The following ADAM12 variants were observed in gnomAD, a reference collection of about 807,000 sequenced individuals.
ADAM12 encodes ADAM metallopeptidase domain 12.
ADAM12 carries 70 observed loss-of-function variants against 106.4 expected under a neutral mutation model. The ratio of observed to expected loss-of-function variants is 0.66; its 90% CI spans 0.54 to 0.80. The LOEUF (loss-of-function observed/expected upper bound fraction) is 0.80, where lower values mean the gene tolerates loss of function less well. Ranked by LOEUF, ADAM12 falls within the 30% of genes least tolerant of loss-of-function variation. ADAM12 has a pLI of 0.00. For synonymous variants in ADAM12, 420 were observed against 433.5 expected (o/e 0.97, Z 0.39); for missense variants, 1,010 against 1,171.9 (o/e 0.86, Z 2.02).
At position 126,155,274 on chromosome 10, in the gene ADAM12, G is replaced by A; in HGVS notation, c.292C>T (p.His98Tyr). ...ACATCAGTACCGTCTTGCAGATAGTGGGTTTCCGTGAAACTGCTGGCAATG... is the reference window on the plus strand; with the variant it reads ...ACATCAGTACCGTCTTGCAGATAGTAGGTTTCCGTGAAACTGCTGGCAATG... ...GLIASSFTET[H>Y]YLQDGTDVSL... The change falls in exon 4 of 23, where the codon CAC becomes TAC. Residue 98 changes from histidine (H) to tyrosine (Y), a missense_variant. This residue lies in a region of ADAM12 where 391 missense variants were observed against 442.9 expected (regional missense o/e 0.88). Coordinates refer to ENST00000448723, the MANE Select transcript of ADAM12 (RefSeq NM_001288973.2). 6.2e-7 allele frequency: 1 copy of A among 1,614,102 alleles called. No individual in the cohort carries two copies. The highest frequency in any genetic ancestry group is 8.5e-7 in the Non-Finnish European group (1 of 1,180,012).
intron 6 of ADAM12, among the ~76,000 whole-genome samples, chr10:126,112,386 A>G (rs116160430): frequency 0.012 from 1,800 of 152,122 alleles, 33 homozygotes; most frequent in African/African-American, 0.041. Flanking sequence ...AAAAATTTAA[A>G]AAAAGAAACT....
Position 126,064,680 on chromosome 10 carries a change from A to T in ADAM12, c.1609+126T>A. 2 of 1,029,700 alleles carry T rather than the reference A, an allele frequency of 1.9e-6. No individual in the cohort carries two copies. The highest frequency in any genetic ancestry group is 2.8e-6 in the Non-Finnish European group (2 of 711,492). 63.8% of individuals were successfully genotyped at this position (1,029,700 alleles called of 1,614,324 possible). On this transcript the variant is annotated intron_variant, in intron 14 of 22. Coordinates refer to ENST00000448723, the MANE Select transcript of ADAM12 (RefSeq NM_001288973.2). This position sits in a 1 kb window ranked among gnomAD's most constrained non-coding sequence, Gnocchi z 4.4. ...GAGTCAATCACTCCCGACTGAACAC[A>T]CCGGATGCTGTGTGGACAGCGCCCG...
At chr10:126,190,383 TC>T (rs1957477749) in intron 3 of ADAM12, among the ~76,000 whole-genome samples, 1 of 151,964 alleles carries the variant, frequency 6.6e-6, no homozygotes, top group Non-Finnish European at 1.5e-5. Flanking sequence ...ACTTTTGTAT[TC>T]TTAGTAGAGA....
At chr10:126,116,202 A>G (rs568530940) in intron 6 of ADAM12, among the ~76,000 whole-genome samples, 6 of 152,360 alleles carry the variant, frequency 3.9e-5, no homozygotes, top group African/African-American at 1.4e-4. Context: ...GTACTTCTAT[A>G]TGAAACGACA....
At chr10:126,155,417 T>A (rs2133723619) in intron 3 of ADAM12, 112 bp from the exon 4 acceptor site, 1 of 903,590 alleles carries the variant, frequency 1.1e-6, no homozygotes, top group Non-Finnish European at 1.7e-6. Context: ...TTTTTTTTTT[T>A]AACAGATAAT....
intron 5 of ADAM12, among the ~76,000 whole-genome samples, chr10:126,124,871 GAC>G (rs1282323439): frequency 5.2e-4 from 63 of 120,498 alleles, no homozygotes; most frequent in Non-Finnish European, 8.4e-4. Context: ...CAGCCTGGGT[GAC>G]ACAGTGAGTG....
chr10:126,261,947 C>T (rs1266665100), intron 3 of ADAM12, among the ~76,000 whole-genome samples: 2 of 151,712 alleles, frequency 1.3e-5, no homozygotes, highest in East Asian at 3.9e-4. Flanking sequence ...TTTTTAATAC[C>T]CAACATTTAA....
intron 3 of ADAM12, among the ~76,000 whole-genome samples, chr10:126,157,573 G>A (rs576542712): frequency 4.1e-4 from 62 of 152,318 alleles, no homozygotes; most frequent in Middle Eastern, 3.4e-3. Flanking sequence ...GCAGGTCTCC[G>A]CTGCAGTCTA....
chr10:126,132,214 C>A (rs1022331865), intron 5 of ADAM12, among the ~76,000 whole-genome samples: 3 of 152,146 alleles, frequency 2.0e-5, no homozygotes, highest in Non-Finnish European at 4.4e-5. Flanking sequence ...ACCTTGTGAT[C>A]CACCCGCCTC....
intron 3 of ADAM12, among the ~76,000 whole-genome samples, chr10:126,216,317 C>T (rs1333958132): frequency 6.6e-6 from 1 of 152,178 alleles, no homozygotes; most frequent in Non-Finnish European, 1.5e-5. Flanking sequence ...TGAGCTACAG[C>T]CTTTCCTACA....
rs1954229479 is a variant in ADAM12 at position 126,043,365 on chromosome 10, G to A, written c.1996-217C>T. 2.6e-5 allele frequency among the ~76,000 whole-genome samples: 4 copies of A among 152,176 alleles called. 1 individual carries two copies. The South Asian group carries it at 8.3e-4, about 32-fold the overall frequency. On this transcript the variant is annotated intron_variant, in intron 17 of 22. Transcript: ENST00000448723. This position sits in a 1 kb window ranked among gnomAD's most constrained non-coding sequence, Gnocchi z 4.1. ...AAGATGCATCATCTGCCTATTAGTG[G>A]CTGTAAAGAGAGTGATGAAGATTAT...
intron 5 of ADAM12, among the ~76,000 whole-genome samples, chr10:126,133,363 C>A (rs1481024707): frequency 1.3e-5 from 2 of 152,142 alleles, no homozygotes; most frequent in African/African-American, 4.8e-5. Context: ...TGCTCACACC[C>A]CACGCTTCCT....
intron 9 of ADAM12, 59 bp from the exon 10 acceptor site, chr10:126,098,559 A>C: frequency 1.4e-6 from 2 of 1,435,742 alleles, no homozygotes. Context: ...ATTCTCTAAT[A>C]TTTAAAAATT....
chr10:126,242,554 G>C (rs1958546890), intron 3 of ADAM12, among the ~76,000 whole-genome samples: 2 of 152,238 alleles, frequency 1.3e-5, no homozygotes, highest in Admixed American at 1.3e-4. Context: ...TGCGAAGGCA[G>C]CACTTCACAG....
rs145091080 is a variant in ADAM12, at chr10:126,312,230, A to G, written c.186+18182T>C. On this transcript the variant is annotated intron_variant, in intron 2 of 22. Coordinates refer to ENST00000448723, the MANE Select transcript of ADAM12 (RefSeq NM_001288973.2). ...TTTTCTGTACAGCTGCAATGAGACG[A>G]CGTCAGAGAGGCTGTGAGAAACCCA... 1.4e-4 allele frequency among the ~76,000 whole-genome samples: 22 copies of G among 152,036 alleles called. No individual in the cohort carries two copies. In the East Asian group the frequency reaches 4.3e-3, roughly 29 times the overall value.
intron 16 of ADAM12, among the ~76,000 whole-genome samples, chr10:126,047,623 T>C (rs201510574): frequency 6.6e-6 from 1 of 151,832 alleles, no homozygotes; most frequent in Non-Finnish European, 1.5e-5. Context: ...AGAATGGCTG[T>C]TATTAAAAAG....
At chr10:126,177,586 T>C (rs1235774094) in intron 3 of ADAM12, among the ~76,000 whole-genome samples, 1 of 152,196 alleles carries the variant, frequency 6.6e-6, no homozygotes, top group East Asian at 1.9e-4. Context: ...GTGACGATGA[T>C]AGGAATAGAT....
rs763860546 is a variant in ADAM12 at position 126,118,120 on chromosome 10, C to T, written c.521G>A (p.Gly174Glu). 3.1e-6 allele frequency: 5 copies of T among 1,614,156 alleles called. No individual in the cohort carries two copies. In the East Asian group the frequency reaches 8.9e-5, roughly 29 times the overall value. ...TGTGTTGTGATGTGATCCACATGAT[C>T]CCCGGACGCTTTTCAGCTTCTTCGC... is the stretch of plus-strand genomic sequence containing the variant. ...FPAKKLKSVR[G>E]SCGSHHNTPN... The change falls in exon 6 of 23, where the codon GGA becomes GAA. Residue 174 changes from glycine (G) to glutamate (E), a missense_variant. Gly to Glu is a moderately conservative substitution (Grantham distance 98). This residue lies in a region of ADAM12 where 391 missense variants were observed against 442.9 expected (regional missense o/e 0.88). Coordinates refer to ENST00000448723, the MANE Select transcript of ADAM12 (RefSeq NM_001288973.2).
chr10:126,179,197 T>C (rs957989371), intron 3 of ADAM12, among the ~76,000 whole-genome samples: 1 of 152,212 alleles, frequency 6.6e-6, no homozygotes, highest in Admixed American at 6.5e-5. Flanking sequence ...TTCGTAAATA[T>C]TGGTTAAGTG....
Sources: allele counts gnomAD v4.1 joint callset (sites outside exome capture counted in the v4.1 genomes callset), GRCh38; gene constraint gnomAD v4.1.1; regional missense constraint gnomAD v4.1.1; non-coding constraint Gnocchi (gnomAD v3.1); transcripts MANE v1.5; gene names NCBI Gene and HGNC (gene_info 2026-07-23, HGNC 2026-07-21).